SACM1L: variants seen among roughly 807,000 people sequenced by gnomAD.
SACM1L encodes the protein phosphatidylinositol-3-phosphatase SAC1.
SACM1L carries 32 observed loss-of-function variants against 89.5 expected under a neutral mutation model. The observed-to-expected ratio is 0.36, with a 90% confidence interval of 0.27 to 0.48. The LOEUF is 0.48. Among genes scored for constraint, SACM1L ranks in the 20% least tolerant of loss-of-function variants. The pLI is 0.99. For synonymous variants in SACM1L, 213 were observed against 232.8 expected (o/e 0.92, Z 0.77); for missense variants, 543 against 708.5 (o/e 0.77, Z 2.65).
At chr3:45,722,349 G>T (rs1479363270) in intron 9 of SACM1L, among the ~76,000 whole-genome samples, 1 of 151,908 alleles carries the variant, frequency 6.6e-6, no homozygotes, top group Admixed American at 6.6e-5. Context: ...GGAGCCATCT[G>T]TCTATTGAAC....
At position 45,705,496 on chromosome 3, in the gene SACM1L, A is replaced by ATT. The variant is rs36040487; in HGVS notation, c.205+309_205+310dup. Among the ~76,000 whole-genome samples the ATT allele has an allele frequency of 5.6e-3, 573 of 102,992 alleles. 6 individuals carry two copies. Among genetic ancestry groups the ATT allele is most frequent in the African/African-American group, 0.013 (293 of 22,834 alleles). The allele number at this position is 102,992 out of a possible 152,430, so 67.6% of individuals were successfully genotyped here. A position where few individuals can be genotyped will look rare whatever the true frequency, so the allele number is the denominator to read the frequency against. ...TTCACAAATGGAGTATGTAAATAAA[A>ATT]TTTTTTTTTTTTTTTTTTTTTTTGA... is the stretch of plus-strand genomic sequence containing the variant. On this transcript the variant is annotated intron_variant, in intron 3 of 19. Transcript: ENST00000389061.
At chr3:45,717,168 T>C (rs908417984) in intron 7 of SACM1L, among the ~76,000 whole-genome samples, 4 of 152,210 alleles carry the variant, frequency 2.6e-5, no homozygotes, top group African/African-American at 9.6e-5. Flanking sequence ...GATGAGTCAT[T>C]AGCAGCTCAA....
At chr3:45,728,347 C>G (rs973493113) in intron 11 of SACM1L, among the ~76,000 whole-genome samples, 2 of 152,098 alleles carry the variant, frequency 1.3e-5, no homozygotes, top group Non-Finnish European at 2.9e-5. Flanking sequence ...TGTCCTATAG[C>G]TTTTTGTTCC....
rs1223523359 is a variant in SACM1L, at chr3:45,706,782, A to G, written c.208A>G (p.Asn70Asp). Residue 70 changes from asparagine (N) to aspartate (D), a missense_variant and splice_region_variant, in exon 4 of 20, where the codon AAT (asparagine) becomes GAT (aspartate). Asn to Asp is a conservative substitution (Grantham distance 23). Transcript: ENST00000389061. ...TGTGTTTGGCTTGCTTTTTGCAGGT[A>G]ATTATCTTATAGTCATTACCAAAAA... ...ILGTIHLVAG[N>D]YLIVITKKIK... The G allele has an allele frequency of 6.3e-7, 1 of 1,599,002 alleles. No homozygotes were observed. The highest frequency in any genetic ancestry group is 1.1e-5 in the South Asian group (1 of 88,676).
intron 1 of SACM1L, chr3:45,690,341 C>G (rs924561358): frequency 6.6e-6 from 1 of 152,248 alleles, no homozygotes; most frequent in African/African-American, 2.4e-5. Context: ...TAATGCTTTA[C>G]CCCTAGGCTG....
At chr3:45,738,363 T>A (rs1699246890) in intron 16 of SACM1L, among the ~76,000 whole-genome samples, 2 of 152,220 alleles carry the variant, frequency 1.3e-5, no homozygotes, top group Admixed American at 6.5e-5. Context: ...CTGGAATTAG[T>A]GTGTTTCTTT....
chr3:45,692,894 G>T (rs898127447), intron 1 of SACM1L, among the ~76,000 whole-genome samples: 1 of 152,172 alleles, frequency 6.6e-6, no homozygotes, highest in Non-Finnish European at 1.5e-5. Context: ...ACTTAGAAAT[G>T]AAATCATTAT....
chr3:45,706,939 G>A lies in SACM1L; in HGVS notation c.333+32G>A, dbSNP rs200444716. The A allele has an allele frequency of 4.1e-4, 662 of 1,605,268 alleles. 1 individual carries two copies. The highest frequency in any genetic ancestry group is 5.3e-4 in the Non-Finnish European group (623 of 1,173,108). ...ACTGGAAATTGTTACTAATTGCAGC[G>A]CCCAAAGAAGTAGCATGGGCTGGGG... On this transcript the variant is annotated intron_variant, in intron 4 of 19. Transcript: ENST00000389061.
At chr3:45,734,341 A>G (rs1300566725) in intron 13 of SACM1L, among the ~76,000 whole-genome samples, 2 of 151,748 alleles carry the variant, frequency 1.3e-5, no homozygotes, top group African/African-American at 4.8e-5. Flanking sequence ...TGAACCTGGG[A>G]GGCAGAGGTT....
intron 11 of SACM1L, among the ~76,000 whole-genome samples, chr3:45,730,882 G>A (rs1027273228): frequency 2.0e-5 from 3 of 152,188 alleles, no homozygotes; most frequent in Non-Finnish European, 4.4e-5. Flanking sequence ...TCAGAGATAC[G>A]TGGGACAGAG....
intron 1 of SACM1L, among the ~76,000 whole-genome samples, chr3:45,700,293 A>G (rs1698236343): frequency 6.6e-6 from 1 of 152,236 alleles, no homozygotes; most frequent in Admixed American, 6.5e-5. Flanking sequence ...AAATTATGGC[A>G]ACTGTCCCCC....
chr3:45,721,250 G>A (rs928053042), intron 8 of SACM1L, among the ~76,000 whole-genome samples: 25 of 152,318 alleles, frequency 1.6e-4, no homozygotes, highest in African/African-American at 2.2e-4. Context: ...CACCGGGTGC[G>A]GTGGCTCACG....
intron 6 of SACM1L, 121 bp downstream of exon 6, chr3:45,713,317 A>G (rs970795971): frequency 2.6e-6 from 2 of 757,842 alleles, no homozygotes; most frequent in Non-Finnish European, 2.1e-6. Flanking sequence ...TTAACTGTTT[A>G]TAACTTACAA....
chr3:45,725,276 T>C (rs888285436), intron 11 of SACM1L, among the ~76,000 whole-genome samples: 1 of 151,038 alleles, frequency 6.6e-6, no homozygotes, highest in Non-Finnish European at 1.5e-5. Context: ...TTGATCACTT[T>C]GACTAGTACT....
chr3:45,718,101 T>C (rs1466540286), intron 7 of SACM1L, among the ~76,000 whole-genome samples: 1 of 152,200 alleles, frequency 6.6e-6, no homozygotes, highest in Non-Finnish European at 1.5e-5. Context: ...CAGAGATGTT[T>C]ATTGCAACAC....
intron 4 of SACM1L, 71 bp downstream of exon 4, chr3:45,706,978 G>A: frequency 6.9e-7 from 1 of 1,448,144 alleles, no homozygotes; most frequent in Non-Finnish European, 9.6e-7. Flanking sequence ...GGAGGGTGAG[G>A]GTGTTGTGGA....
intron 1 of SACM1L, among the ~76,000 whole-genome samples, chr3:45,699,385 G>A (rs1329930259): frequency 1.3e-5 from 2 of 151,044 alleles, no homozygotes; most frequent in East Asian, 3.9e-4. Context: ...ATGTAGCTGT[G>A]GTTCAAATGA....
rs1294350624 is a variant in SACM1L, at chr3:45,732,835, T to G, written c.1100+684T>G. Among the ~76,000 whole-genome samples the G allele has an allele frequency of 2.0e-5, 3 of 152,230 alleles. No homozygotes were observed. In the East Asian group the frequency reaches 5.8e-4, roughly 29 times the overall value. On this transcript the variant is annotated intron_variant, in intron 13 of 19. Transcript: ENST00000389061. ...GAATCTGTAAATCGTACTACCATTT[T>G]CTTCTGCCTGTGTGTGATGGTTCTA...
At chr3:45,707,073 TTTAAATC>T in intron 4 of SACM1L, 166 bp downstream of exon 4, 4 of 535,146 alleles carry the variant, frequency 7.5e-6, no homozygotes, top group African/African-American at 2.0e-5. Flanking sequence ...AAAAATATTT[TTTAAATC>T]ATTTGTTGCT....
Sources: allele counts gnomAD v4.1 joint callset (sites outside exome capture counted in the v4.1 genomes callset), GRCh38; gene constraint gnomAD v4.1.1; transcripts MANE v1.5; gene names NCBI Gene and HGNC (gene_info 2026-07-23, HGNC 2026-07-21).